Variants in JDP2 observed in about 807,000 individuals in gnomAD.
The protein encoded by JDP2 is Jun dimerization protein 2, also known as progesterone receptor co-activator.
In JDP2, 9 loss-of-function variants were observed where a neutral mutation model predicts 17.1. That is an observed-to-expected ratio of 0.53 (90% CI 0.32 to 0.92). The LOEUF (loss-of-function observed/expected upper bound fraction) is 0.92, where lower values mean the gene tolerates loss of function less well. Among genes scored for constraint, JDP2 ranks in the 40% least tolerant of loss-of-function variants. The probability of loss-of-function intolerance (pLI) is 0.04; values close to 1 mark genes in which losing one functional copy is unlikely to be tolerated. For synonymous variants in JDP2, 107 were observed against 95.6 expected (o/e 1.12, Z -0.69); for missense variants, 179 against 220.0 (o/e 0.81, Z 1.18).
At chr14:75,438,432 A>G (rs2140047315) in intron 2 of JDP2, among the ~76,000 whole-genome samples, 1 of 152,302 alleles carries the variant, frequency 6.6e-6, no homozygotes, top group East Asian at 1.9e-4. Flanking sequence ...ATGAATAGTA[A>G]TATCTTGGCC....
Position 75,437,023 on chromosome 14 carries a change from G to T in JDP2, c.-23-875G>T, listed in dbSNP as rs549585835. ...AGCCTGGCTAACATGATGAACTCCT[G>T]TATCTACTAAAAATACAAAAATTAG... On this transcript the variant is annotated intron_variant, in intron 1 of 3. Coordinates refer to ENST00000651602, the MANE Select transcript of JDP2 (RefSeq NM_001135048.2). Among the ~76,000 whole-genome samples, 79 of 152,214 alleles carry T rather than the reference G, an allele frequency of 5.2e-4. 2 individuals carry two copies. In the South Asian group the frequency reaches 0.016, roughly 31 times the overall value.
chr14:75,432,669 G>A (rs1404310417), intron 1 of JDP2, among the ~76,000 whole-genome samples: 5 of 152,200 alleles, frequency 3.3e-5, no homozygotes, highest in Non-Finnish European at 4.4e-5. Flanking sequence ...CTGCTGGCCC[G>A]GAGGGGAGCT....
At chr14:75,455,304 G>A (rs1886053192) in intron 2 of JDP2, among the ~76,000 whole-genome samples, 1 of 152,172 alleles carries the variant, frequency 6.6e-6, no homozygotes, top group Non-Finnish European at 1.5e-5. Context: ...CTCGCTGTGG[G>A]GATGACCACG....
chr14:75,459,382 C>CT (rs1456094700), intron 2 of JDP2, among the ~76,000 whole-genome samples: 2 of 152,208 alleles, frequency 1.3e-5, no homozygotes, highest in Non-Finnish European at 2.9e-5. Flanking sequence ...GGCCAAGGGA[C>CT]TGGGAGGTGC....
chr14:75,466,193 C>T (rs1886564336), intron 3 of JDP2, among the ~76,000 whole-genome samples: 1 of 152,196 alleles, frequency 6.6e-6, no homozygotes, highest in African/African-American at 2.4e-5. Flanking sequence ...GTAATCCCAG[C>T]ACTTTGGGAG....
chr14:75,455,938 T>G lies in JDP2; in HGVS notation c.202-5488T>G, dbSNP rs947050160. ...GCGGCTGCTTAAGGGCCCTTCCGCA[T>G]CCAGGCTCTGCTGCTTTCTCAGCGG... On this transcript the variant is annotated intron_variant, in intron 2 of 3. Coordinates refer to ENST00000651602, the MANE Select transcript of JDP2 (RefSeq NM_001135048.2). Among the ~76,000 whole-genome samples the G allele has an allele frequency of 3.3e-5, 5 of 152,182 alleles. No homozygotes were observed. The South Asian group carries it at 8.3e-4, about 25-fold the overall frequency.
At chr14:75,448,030 A>C (rs775366667) in intron 2 of JDP2, among the ~76,000 whole-genome samples, 9 of 152,196 alleles carry the variant, frequency 5.9e-5, no homozygotes, top group Non-Finnish European at 1.3e-4. Context: ...AGAAAAACAA[A>C]AGACAGGAAT....
chr14:75,442,270 C>G (rs1348700882), intron 2 of JDP2, among the ~76,000 whole-genome samples: 2 of 152,154 alleles, frequency 1.3e-5, no homozygotes, highest in Admixed American at 6.5e-5. Context: ...AATGTGGACT[C>G]TCTGGCTTCT....
At position 75,473,342 on chromosome 14, in the gene JDP2, A is replaced by C. The variant is rs935149259; in HGVS notation, c.*3867A>C. ...TGACAGAGCGAGACTCCATCTCAAAAAAAACAAAACAAAAAAAATGTGGAT... is the reference window on the plus strand; with the variant it reads ...TGACAGAGCGAGACTCCATCTCAAACAAAACAAAACAAAAAAAATGTGGAT... On this transcript the variant is annotated 3_prime_UTR_variant, in exon 4 of 4. Coordinates refer to ENST00000651602, the MANE Select transcript of JDP2 (RefSeq NM_001135048.2). 3 of 152,190 alleles carry C rather than the reference A, an allele frequency of 2.0e-5. No individual in the cohort carries two copies. The highest frequency in any genetic ancestry group is 2.1e-4 in the South Asian group (1 of 4,834). The allele number at this position is 152,190 out of a possible 1,614,324, so 9.4% of individuals were successfully genotyped here. A position where few individuals can be genotyped will look rare whatever the true frequency, so the allele number is the denominator to read the frequency against.
chr14:75,451,288 G>C (rs1338902381), intron 2 of JDP2, among the ~76,000 whole-genome samples: 6 of 151,732 alleles, frequency 4.0e-5, no homozygotes, highest in African/African-American at 1.5e-4. Flanking sequence ...GTCAAGGAGA[G>C]ACAGTGGGCC....
chr14:75,452,885 G>C (rs1011197683), intron 2 of JDP2, among the ~76,000 whole-genome samples: 1 of 152,226 alleles, frequency 6.6e-6, no homozygotes, highest in African/African-American at 2.4e-5. Context: ...CACTGAAACA[G>C]CTCAATATTT....
At chr14:75,444,392 C>T (rs770354892) in intron 2 of JDP2, among the ~76,000 whole-genome samples, 7 of 152,124 alleles carry the variant, frequency 4.6e-5, no homozygotes, top group African/African-American at 1.4e-4. Context: ...ATTTTGTCCT[C>T]GGAGATGGTG....
At chr14:75,457,828 CCTA>C (rs1184441464) in intron 2 of JDP2, among the ~76,000 whole-genome samples, 1 of 152,234 alleles carries the variant, frequency 6.6e-6, no homozygotes, top group Admixed American at 6.5e-5. Flanking sequence ...GCTTTGCTGG[CCTA>C]CTACAAACAG....
chr14:75,432,943 C>T (rs563879913), intron 1 of JDP2, among the ~76,000 whole-genome samples: 65 of 151,882 alleles, frequency 4.3e-4, no homozygotes, highest in Non-Finnish European at 6.0e-4. Flanking sequence ...GGCTCACGCC[C>T]GTAATCCCAG....
chr14:75,447,031 A>C (rs914660192), intron 2 of JDP2, among the ~76,000 whole-genome samples: 1 of 152,214 alleles, frequency 6.6e-6, no homozygotes, highest in Non-Finnish European at 1.5e-5. Context: ...GAGCAAGGAG[A>C]ACAATCTGAT....
At chr14:75,453,166 G>T (rs1885944143) in intron 2 of JDP2, among the ~76,000 whole-genome samples, 1 of 152,162 alleles carries the variant, frequency 6.6e-6, no homozygotes, top group South Asian at 2.1e-4. Flanking sequence ...TTTGTTGATG[G>T]GGGGTGGGGG....
intron 3 of JDP2, among the ~76,000 whole-genome samples, chr14:75,462,658 C>A (rs1318018558): frequency 6.6e-6 from 1 of 152,152 alleles, no homozygotes; most frequent in Non-Finnish European, 1.5e-5. Flanking sequence ...GTTGGGTACA[C>A]TGGGGGCACA....
At chr14:75,433,797 G>C (rs1884931416) in intron 1 of JDP2, among the ~76,000 whole-genome samples, 1 of 152,174 alleles carries the variant, frequency 6.6e-6, no homozygotes, top group African/African-American at 2.4e-5. Flanking sequence ...CGCATTGCCA[G>C]TCTTCTTGGA....
In JDP2 at chr14:75,433,496, A is replaced by C. The variant is rs60705313; in HGVS notation, c.-23-4402A>C. Among the ~76,000 whole-genome samples, 262 of 146,482 alleles carry C rather than the reference A, an allele frequency of 1.8e-3. 1 individual carries two copies. Among genetic ancestry groups the C allele is most frequent in the African/African-American group, 6.4e-3 (249 of 39,202 alleles). ...TCTGCTTGTACAATGCAGTGTCCTA[A>C]CTGTGTGCCCACAGGTCACTGAGGA... is the stretch of plus-strand genomic sequence containing the variant. On this transcript the variant is annotated intron_variant, in intron 1 of 3. Transcript: ENST00000651602.
Sources: allele counts gnomAD v4.1 joint callset (sites outside exome capture counted in the v4.1 genomes callset), GRCh38; gene constraint gnomAD v4.1.1; transcripts MANE v1.5; gene names NCBI Gene and HGNC (gene_info 2026-07-23, HGNC 2026-07-21).